The following NECTIN3 variants were observed in gnomAD, a reference collection of about 807,000 sequenced individuals.
NECTIN3 encodes nectin cell adhesion molecule 3.
NECTIN3 carries 8 observed loss-of-function variants against 49.4 expected under a neutral mutation model. The ratio of observed to expected loss-of-function variants is 0.16; its 90% CI spans 0.10 to 0.29. The LOEUF (loss-of-function observed/expected upper bound fraction) is 0.29, where lower values mean the gene tolerates loss of function less well. Ranked by LOEUF, NECTIN3 falls within the 10% of genes least tolerant of loss-of-function variation. NECTIN3 has a pLI of 1.00. For synonymous variants in NECTIN3, 277 were observed against 241.1 expected, an observed-to-expected ratio of 1.15 and a Z score of -1.38; for missense variants, 581 against 654.6, an observed-to-expected ratio of 0.89 and a Z score of 1.23.
intron 7 of NECTIN3, chr3:111,147,589 A>C: frequency 1.0e-6 from 1 of 978,560 alleles, no homozygotes; most frequent in Non-Finnish European, 1.5e-6. Flanking sequence ...TTATGCATTA[A>C]GTGTTGTTTA....
intron 7 of NECTIN3, among the ~76,000 whole-genome samples, chr3:111,168,069 T>C (rs2107524793): frequency 6.6e-6 from 1 of 152,284 alleles, no homozygotes; most frequent in South Asian, 2.1e-4. Flanking sequence ...TCTTTGAGTG[T>C]CACATCAGTG....
intron 4 of NECTIN3, among the ~76,000 whole-genome samples, chr3:111,123,395 A>G (rs951797156): frequency 1.3e-5 from 2 of 152,104 alleles, no homozygotes; most frequent in South Asian, 4.1e-4. Context: ...AGTCTTTCAC[A>G]GTGAAGCATT....
intron 1 of NECTIN3, among the ~76,000 whole-genome samples, chr3:111,102,079 T>C (rs1339172965): frequency 6.6e-6 from 1 of 152,150 alleles, no homozygotes; most frequent in African/African-American, 2.4e-5. Context: ...AGTCTTGACC[T>C]TTTTCATTCT....
chr3:111,147,602 CATTATGCATTAA>C, intron 7 of NECTIN3: 1 of 854,538 alleles, frequency 1.2e-6, no homozygotes, highest in East Asian at 2.8e-5. Flanking sequence ...GTTGTTTAGT[CATTATGCATTAA>C]ATGTTGTTTA....
At chr3:111,129,919 G>A (rs900303821) in intron 5 of NECTIN3, among the ~76,000 whole-genome samples, 2 of 151,004 alleles carry the variant, frequency 1.3e-5, no homozygotes, top group African/African-American at 4.9e-5. Flanking sequence ...TAGTGTGCTA[G>A]GATTACAGGT....
At chr3:111,118,531 A>AATT in intron 2 of NECTIN3, 125 bp from the exon 3 acceptor site, 2 of 861,808 alleles carry the variant, frequency 2.3e-6, no homozygotes. Context: ...ATTACCTAAA[A>AATT]AGTGTGTGTA....
intron 7 of NECTIN3, among the ~76,000 whole-genome samples, chr3:111,151,973 G>A (rs943042927): frequency 1.3e-5 from 2 of 151,422 alleles, no homozygotes; most frequent in African/African-American, 4.8e-5. Context: ...CACACACTCA[G>A]GTGCATTTTA....
chr3:111,127,465 C>CTTTT (rs35153084), intron 5 of NECTIN3, among the ~76,000 whole-genome samples: 19 of 101,140 alleles, frequency 1.9e-4, no homozygotes, highest in Non-Finnish European at 2.9e-4. Flanking sequence ...TGCAAACTTT[C>CTTTT]TTTTTTTTTT....
chr3:111,096,531 A>T (rs1410959338), intron 1 of NECTIN3, among the ~76,000 whole-genome samples: 1 of 152,220 alleles, frequency 6.6e-6, no homozygotes, highest in Non-Finnish European at 1.5e-5. Context: ...TCTCCATGCC[A>T]TGTCAGAGAC....
rs2034501969 is a variant in NECTIN3, at chr3:111,134,321, G to A, written c.*106G>A. Reference sequence around the variant, plus strand: ...GAGGAAGAATAAGCTTTTTCAAGTTGATTTTCAAGCTTACTTTTTATATTC... The same window carrying A: ...GAGGAAGAATAAGCTTTTTCAAGTTAATTTTCAAGCTTACTTTTTATATTC... On this transcript the variant is annotated 3_prime_UTR_variant, in exon 6 of 6. Transcript: ENST00000485303. 6.9e-7 allele frequency: 1 copy of A among 1,449,298 alleles called. No homozygotes were observed. The highest frequency in any genetic ancestry group is 1.6e-5 in the South Asian group (1 of 62,998). The allele number at this position is 1,449,298 out of a possible 1,614,324, so 89.8% of individuals were successfully genotyped here. A position where few individuals can be genotyped will look rare whatever the true frequency, so the allele number is the denominator to read the frequency against.
intron 1 of NECTIN3, among the ~76,000 whole-genome samples, chr3:111,082,821 C>T (rs898732323): frequency 6.6e-6 from 1 of 152,120 alleles, no homozygotes; most frequent in Admixed American, 6.5e-5. Flanking sequence ...TCAGTGGGAG[C>T]CCAGAGCTTG....
At chr3:111,109,561 AT>A (rs759764502) in intron 1 of NECTIN3, among the ~76,000 whole-genome samples, 8 of 151,314 alleles carry the variant, frequency 5.3e-5, no homozygotes, top group Non-Finnish European at 8.8e-5. Context: ...AGGGATCTGT[AT>A]TTTTCCAAGT....
chr3:111,093,269 C>A (rs2032379799), intron 1 of NECTIN3, among the ~76,000 whole-genome samples: 1 of 152,052 alleles, frequency 6.6e-6, no homozygotes, highest in Non-Finnish European at 1.5e-5. Flanking sequence ...AAAGGAATTC[C>A]ATTTTATCAC....
At chr3:111,121,998 G>A (rs2033976969) in intron 3 of NECTIN3, 123 bp from the exon 4 acceptor site, 1 of 655,098 alleles carries the variant, frequency 1.5e-6, no homozygotes, top group Admixed American at 2.7e-5. Context: ...TATACATGTT[G>A]AGACTAAGGA....
intron 1 of NECTIN3, among the ~76,000 whole-genome samples, chr3:111,086,029 G>A (rs1156478457): frequency 6.6e-6 from 1 of 152,108 alleles, no homozygotes; most frequent in Non-Finnish European, 1.5e-5. Flanking sequence ...AGTGGTGATT[G>A]TGATTTTAAT....
chr3:111,095,302 G>A (rs2032521970), intron 1 of NECTIN3, among the ~76,000 whole-genome samples: 1 of 152,134 alleles, frequency 6.6e-6, no homozygotes, highest in Non-Finnish European at 1.5e-5. Flanking sequence ...AAGGTTCCAT[G>A]TTATATTGAG....
rs542017495 is a variant in NECTIN3 at position 111,154,062 on chromosome 3, C to T, written c.1221+6578C>T. ...AATTTGATATGTTTTACATGTACTGCGCACACACACAAATATACTTGGCAA... is the reference window on the plus strand; with the variant it reads ...AATTTGATATGTTTTACATGTACTGTGCACACACACAAATATACTTGGCAA... On this transcript the variant is annotated intron_variant, in intron 7 of 8. Transcript: ENST00000493615. 3.9e-5 allele frequency among the ~76,000 whole-genome samples: 6 copies of T among 152,206 alleles called. No individual in the cohort carries two copies. In the South Asian group the frequency reaches 6.2e-4, roughly 16 times the overall value.
chr3:111,192,047 G>T (rs2035821781), upstream of NECTIN3, among the ~76,000 whole-genome samples: 1 of 152,078 alleles, frequency 6.6e-6, no homozygotes, highest in Admixed American at 6.6e-5. Context: ...GATCAGGCTG[G>T]TCTCAAACTT....
intron 1 of NECTIN3, among the ~76,000 whole-genome samples, chr3:111,088,581 A>G (rs1359050026): frequency 2.0e-5 from 3 of 152,082 alleles, no homozygotes; most frequent in East Asian, 1.9e-4. Flanking sequence ...AATGTGGTAA[A>G]TTACATTTCT....
Sources: gnomAD v4.1 joint callset for allele counts (sites outside exome capture counted in the v4.1 genomes callset) on GRCh38, gnomAD v4.1.1 for gene constraint, MANE v1.5 for transcripts, NCBI Gene and HGNC (gene_info 2026-07-23, HGNC 2026-07-21) for gene names.